Variants in PLB1 observed in about 807,000 individuals in gnomAD.
PLB1 encodes phospholipase B1, also known as phospholipase B1, membrane-associated.
PLB1 carries 242 observed loss-of-function variants against 227.4 expected under a neutral mutation model. The ratio of observed to expected loss-of-function variants is 1.06; its 90% confidence interval spans 0.96 to 1.18. The LOEUF is 1.18. PLB1 is among the 50% of genes most tolerant of loss of function. The probability of loss-of-function intolerance (pLI) is 0.00; values close to 1 mark genes in which losing one functional copy is unlikely to be tolerated. For synonymous variants in PLB1, 757 were observed against 682.2 expected (o/e 1.11, Z -1.71); for missense variants, 1,858 against 1,816.3 (o/e 1.02, Z -0.42).
At chr2:28,636,889 C>T (rs1404108019) in intron 56 of PLB1, among the ~76,000 whole-genome samples, 1 of 152,174 alleles carries the variant, frequency 6.6e-6, no homozygotes, top group East Asian at 1.9e-4. Flanking sequence ...CTTTTGAGGA[C>T]TATAATAGTC....
At chr2:28,535,596 T>C (rs1006850376) in intron 9 of PLB1, among the ~76,000 whole-genome samples, 10 of 152,302 alleles carry the variant, frequency 6.6e-5, no homozygotes, top group African/African-American at 2.2e-4. Flanking sequence ...ACATCTCAGG[T>C]ATAAGCTCTC....
chr2:28,543,067 C>T (rs890014691), intron 13 of PLB1, 145 bp from the exon 14 acceptor site: 1 of 786,322 alleles, frequency 1.3e-6, no homozygotes, highest in African/African-American at 1.8e-5. Flanking sequence ...ATAAGTGCCC[C>T]TGTTATTGAT....
At chr2:28,584,682 C>T (rs148578061) in intron 25 of PLB1, among the ~76,000 whole-genome samples, 87 of 152,356 alleles carry the variant, frequency 5.7e-4, no homozygotes, top group African/African-American at 2.0e-3. Flanking sequence ...CTGCACTCCC[C>T]GCCTCTCCAC....
intron 56 of PLB1, among the ~76,000 whole-genome samples, chr2:28,638,827 GAAAA>G (rs35972276): frequency 1.4e-4 from 9 of 63,606 alleles, no homozygotes; most frequent in African/African-American, 2.6e-4. Flanking sequence ...GCTGGAGATT[GAAAA>G]AAAAAAAAAA....
chr2:28,566,549 C>A lies in PLB1; in HGVS notation c.1281-247C>A. ...GCAAGGAACCAACCTACCTCCCCTT[C>A]CCCAACATCAGCGAAAATCAGCCGC... is the stretch of plus-strand genomic sequence containing the variant. On this transcript the variant is annotated intron_variant, in intron 19 of 57. Transcript: ENST00000327757. 5.9e-6 allele frequency: 3 copies of A among 509,376 alleles called. 1 individual carries two copies. The highest frequency in any genetic ancestry group is 1.1e-5 in the Non-Finnish European group (3 of 281,612). 31.6% of individuals were successfully genotyped at this position (509,376 alleles called of 1,614,324 possible). A position where few individuals can be genotyped will look rare whatever the true frequency, so the allele number is the denominator to read the frequency against.
chr2:28,580,818 T>C (rs1031081077), intron 23 of PLB1, among the ~76,000 whole-genome samples: 2 of 151,766 alleles, frequency 1.3e-5, no homozygotes, highest in Non-Finnish European at 2.9e-5. Context: ...GGCTTGAAGA[T>C]GAGGAGGTTT....
rs751319773 is a variant in PLB1, at chr2:28,636,027, GTA to G, written c.4098+2990_4098+2991del. On this transcript the variant is annotated intron_variant, in intron 56 of 57. Coordinates refer to ENST00000327757, the MANE Select transcript of PLB1 (RefSeq NM_153021.5). ...TGTGTATGTATGTATGAATGTGTGT[GTA>G]TGTGTGTGTGTGTATGTATGTGTAT... is the stretch of plus-strand genomic sequence containing the variant. Among the ~76,000 whole-genome samples the G allele has an allele frequency of 2.9e-3, 338 of 115,626 alleles. 2 individuals carry two copies. Among genetic ancestry groups the G allele is most frequent in the Admixed American group, 0.011 (132 of 11,796 alleles). The allele number at this position is 115,626 out of a possible 152,430, so 75.9% of individuals were successfully genotyped here.
At chr2:28,543,186 C>T in intron 13 of PLB1, 26 bp from the exon 14 acceptor site, 1 of 1,595,248 alleles carries the variant, frequency 6.3e-7, no homozygotes, top group East Asian at 2.3e-5. Flanking sequence ...GACAAAAGGT[C>T]CCGCTGTCAA....
intron 4 of PLB1, 110 bp from the exon 5 acceptor site, chr2:28,525,157 G>A (rs1403503086): frequency 4.1e-6 from 4 of 980,164 alleles, no homozygotes; most frequent in Non-Finnish European, 6.3e-6. Flanking sequence ...GGGCTTGTAG[G>A]TTCCCTCTTA....
At chr2:28,615,559 G>T (rs570848490) in intron 44 of PLB1, among the ~76,000 whole-genome samples, 3 of 152,206 alleles carry the variant, frequency 2.0e-5, no homozygotes, top group Non-Finnish European at 4.4e-5. Flanking sequence ...CTGGCTGCGG[G>T]TTATGCTGTG....
chr2:28,585,891 G>T (rs763578939), intron 26 of PLB1, 49 bp downstream of exon 26: 2 of 1,471,496 alleles, frequency 1.4e-6, no homozygotes, highest in South Asian at 1.1e-5. Context: ...TGTGTGATTC[G>T]ATTGCTCTGT....
At chr2:28,544,643 T>C (rs1341696723) in intron 14 of PLB1, among the ~76,000 whole-genome samples, 1 of 151,982 alleles carries the variant, frequency 6.6e-6, no homozygotes, top group Non-Finnish European at 1.5e-5. Context: ...CCAGCAGTGT[T>C]GTGCTGGGCC....
At position 28,572,555 on chromosome 2, in the gene PLB1, A is replaced by C. The variant is rs531422052; in HGVS notation, c.1325-642A>C. On this transcript the variant is annotated intron_variant, in intron 20 of 57. Coordinates refer to ENST00000327757, the MANE Select transcript of PLB1 (RefSeq NM_153021.5). ...AAAATGTGGTATATCCATCCAGTGG[A>C]ATATCATTCAGCAATAAAAACGAAT... 1.1e-4 allele frequency among the ~76,000 whole-genome samples: 17 copies of C among 152,378 alleles called. 1 individual carries two copies. In the South Asian group the frequency reaches 3.5e-3, roughly 32 times the overall value.
At chr2:28,584,004 T>C (rs1210589485) in intron 25 of PLB1, among the ~76,000 whole-genome samples, 9 of 152,116 alleles carry the variant, frequency 5.9e-5, no homozygotes, top group Admixed American at 5.2e-4. Context: ...TTCCTGCAGG[T>C]TTTCCTCTGG....
chr2:28,538,019 C>T (rs986988338), intron 9 of PLB1, among the ~76,000 whole-genome samples: 3 of 152,212 alleles, frequency 2.0e-5, no homozygotes, highest in East Asian at 1.9e-4. Flanking sequence ...TTCAGAATCA[C>T]ACCAGGTATT....
At chr2:28,551,674 G>A (rs1320138614) in intron 16 of PLB1, among the ~76,000 whole-genome samples, 1 of 152,184 alleles carries the variant, frequency 6.6e-6, no homozygotes, top group Non-Finnish European at 1.5e-5. Flanking sequence ...TGGGCTCTGT[G>A]TCAATGAGCA....
chr2:28,608,489 T>C (rs1368107336), intron 43 of PLB1, among the ~76,000 whole-genome samples: 1 of 152,200 alleles, frequency 6.6e-6, no homozygotes, highest in Non-Finnish European at 1.5e-5. Flanking sequence ...CCTTCTCCCA[T>C]CCGCAGTCTA....
chr2:28,622,778 C>T (rs1369195396), intron 49 of PLB1, among the ~76,000 whole-genome samples: 5 of 152,076 alleles, frequency 3.3e-5, no homozygotes, highest in Admixed American at 6.5e-5. Flanking sequence ...CCCAGCTACT[C>T]GGGAGGCTGA....
chr2:28,585,981 C>T, intron 26 of PLB1, 139 bp downstream of exon 26: 2 of 719,956 alleles, frequency 2.8e-6, no homozygotes, highest in South Asian at 3.4e-5. Context: ...TTTTAAAACA[C>T]CCTGAGACAC....
Sources: gnomAD v4.1 joint callset for allele counts (sites outside exome capture counted in the v4.1 genomes callset) on GRCh38, gnomAD v4.1.1 for gene constraint, MANE v1.5 for transcripts, NCBI Gene and HGNC (gene_info 2026-07-23, HGNC 2026-07-21) for gene names.